Variants in AGTPBP1 observed in about 807,000 individuals in gnomAD.
The protein encoded by AGTPBP1 is ATP/GTP binding carboxypeptidase 1, also known as cytosolic carboxypeptidase 1.
AGTPBP1 carries 70 observed loss-of-function variants against 143.9 expected under a neutral mutation model. The observed-to-expected ratio is 0.49, with a 90% CI of 0.40 to 0.59. The LOEUF (loss-of-function observed/expected upper bound fraction) is 0.59, where lower values mean the gene tolerates loss of function less well. Among genes scored for constraint, AGTPBP1 ranks in the 20% least tolerant of loss-of-function variants. The probability of loss-of-function intolerance (pLI) is 0.00; values close to 1 mark genes in which losing one functional copy is unlikely to be tolerated. For missense variants in AGTPBP1, 1,229 were observed against 1,464.5 expected (o/e 0.84, Z 2.62); for synonymous variants, 463 against 500.2 (o/e 0.93, Z 0.99).
intron 17 of AGTPBP1, among the ~76,000 whole-genome samples, chr9:85,608,782 A>C (rs1830136101): frequency 6.6e-6 from 1 of 152,144 alleles, no homozygotes; most frequent in African/African-American, 2.4e-5. Flanking sequence ...GAAATATTAC[A>C]AACTCTGGTC....
At chr9:85,743,519 G>A (rs1824509393), upstream of AGTPBP1, among the ~76,000 whole-genome samples, 1 of 152,188 alleles carries the variant, frequency 6.6e-6, no homozygotes, top group African/African-American at 2.4e-5. Flanking sequence ...CTCTTCATCA[G>A]ATCCCACGTG....
intron 8 of AGTPBP1, among the ~76,000 whole-genome samples, chr9:85,667,903 T>TAA (rs11433029): frequency 0.028 from 2,825 of 99,208 alleles, 60 homozygotes; most frequent in African/African-American, 0.067. Flanking sequence ...AAGCCAACTG[T>TAA]AAAAAAAAAA....
chr9:85,727,834 T>C (rs1015896327), intron 1 of AGTPBP1, among the ~76,000 whole-genome samples: 3 of 151,832 alleles, frequency 2.0e-5, no homozygotes, highest in Non-Finnish European at 2.9e-5. Flanking sequence ...CTGGGTAACA[T>C]AGTGATACCT....
At chr9:85,694,867 C>T (rs963424638) in intron 2 of AGTPBP1, among the ~76,000 whole-genome samples, 3 of 152,194 alleles carry the variant, frequency 2.0e-5, no homozygotes, top group Non-Finnish European at 2.9e-5. Context: ...AGTCCTCTTC[C>T]AATCTTAACC....
chr9:85,660,395 A>C (rs1475584097), intron 9 of AGTPBP1, among the ~76,000 whole-genome samples: 3 of 152,212 alleles, frequency 2.0e-5, no homozygotes, highest in Non-Finnish European at 4.4e-5. Flanking sequence ...CTCCAAAAGC[A>C]TAAGACATAT....
At chr9:85,762,730 C>T in the AGTPBP1 span, among the ~76,000 whole-genome samples, 1 of 150,136 alleles carries the variant, frequency 6.7e-6, no homozygotes. Flanking sequence ...TGTAACAAAC[C>T]TGCACATTGT....
the AGTPBP1 span, chr9:85,774,083 G>A: frequency 2.4e-6 from 3 of 1,224,974 alleles, no homozygotes; most frequent in East Asian, 7.0e-5. Flanking sequence ...TGTAGGTGTG[G>A]GTACTGAAGG....
At chr9:85,669,030 C>T (rs1040280350) in intron 8 of AGTPBP1, among the ~76,000 whole-genome samples, 3 of 144,728 alleles carry the variant, frequency 2.1e-5, no homozygotes, top group Admixed American at 2.1e-4. Context: ...CACACACACA[C>T]ACACACACAT....
At chr9:85,755,994 C>T in the AGTPBP1 span, 18 of 1,043,736 alleles carry the variant, frequency 1.7e-5, no homozygotes, top group Non-Finnish European at 2.3e-5. Flanking sequence ...AGATTTCAGC[C>T]AATCTGAAAT....
chr9:85,742,509 C>T (rs1205203938), upstream of AGTPBP1, among the ~76,000 whole-genome samples: 1 of 152,166 alleles, frequency 6.6e-6, no homozygotes, highest in Non-Finnish European at 1.5e-5. Flanking sequence ...CTGGAAGGGA[C>T]ATGCTGTTAC....
intron 2 of AGTPBP1, among the ~76,000 whole-genome samples, chr9:85,710,445 TG>T (rs1425259944): frequency 1.3e-5 from 2 of 151,988 alleles, no homozygotes; most frequent in African/African-American, 4.8e-5. Context: ...AAACAAAGCC[TG>T]GAAGTATTAT....
intron 3 of AGTPBP1, among the ~76,000 whole-genome samples, chr9:85,689,898 C>CAAAAAAAAAAAAA (rs1156931410): frequency 3.5e-5 from 1 of 28,346 alleles, no homozygotes. Context: ...GACTCTGCCT[C>CAAAAAAAAAAAAA]AAAAAAAAAA....
chr9:85,803,337 G>A, the AGTPBP1 span, among the ~76,000 whole-genome samples: 4 of 152,116 alleles, frequency 2.6e-5, no homozygotes, highest in Non-Finnish European at 5.9e-5. Flanking sequence ...TTCCAGCCCC[G>A]TTTTTGTGAA....
At chr9:85,700,777 T>A (rs1307291051) in intron 2 of AGTPBP1, among the ~76,000 whole-genome samples, 1 of 152,220 alleles carries the variant, frequency 6.6e-6, no homozygotes, top group African/African-American at 2.4e-5. Flanking sequence ...AGAGCCATTC[T>A]GCCACCCTTG....
chr9:85,720,068 T>G (rs1310183841), intron 1 of AGTPBP1, among the ~76,000 whole-genome samples: 5 of 152,210 alleles, frequency 3.3e-5, no homozygotes, highest in Admixed American at 2.6e-4. Context: ...TTTGCCAGTA[T>G]TTTATTGAGG....
At chr9:85,784,449 C>T in the AGTPBP1 span, among the ~76,000 whole-genome samples, 3 of 152,016 alleles carry the variant, frequency 2.0e-5, no homozygotes, top group East Asian at 1.9e-4. Context: ...GCTCTGTTGC[C>T]CAGGCTGGAG....
intron 14 of AGTPBP1, among the ~76,000 whole-genome samples, chr9:85,631,258 G>A (rs988880326): frequency 2.6e-5 from 4 of 152,200 alleles, no homozygotes; most frequent in African/African-American, 9.6e-5. Flanking sequence ...GGTGGATACT[G>A]GATGCTACAC....
intron 1 of AGTPBP1, among the ~76,000 whole-genome samples, chr9:85,719,003 C>T (rs1309906083): frequency 6.6e-6 from 1 of 151,952 alleles, no homozygotes; most frequent in Non-Finnish European, 1.5e-5. Context: ...ATATCTGAGG[C>T]CTCTGTTCTG....
At chr9:85,730,031 AC>A (rs1361558275) in intron 1 of AGTPBP1, among the ~76,000 whole-genome samples, 1 of 152,192 alleles carries the variant, frequency 6.6e-6, no homozygotes, top group African/African-American at 2.4e-5. Flanking sequence ...GAGCCTCCTG[AC>A]CTCAACTGTT....
Sources: allele counts gnomAD v4.1 joint callset (sites outside exome capture counted in the v4.1 genomes callset), GRCh38; gene constraint gnomAD v4.1.1; transcripts MANE v1.5; gene names NCBI Gene and HGNC (gene_info 2026-07-23, HGNC 2026-07-21).